Variants in WDR64 observed in about 807,000 individuals in gnomAD.
The protein encoded by WDR64 is WD repeat-containing protein 64.
Under a neutral mutation model 139.3 loss-of-function variants are expected in WDR64, and 112 were observed. That is an observed-to-expected ratio of 0.80 (90% CI 0.69 to 0.94). WDR64 has a LOEUF of 0.94. Ranked by LOEUF, WDR64 falls within the 40% of genes least tolerant of loss-of-function variation. WDR64 has a pLI of 0.00. For missense variants in WDR64, 1,206 were observed against 1,293.1 expected, an observed-to-expected ratio of 0.93 and a Z score of 1.03; for synonymous variants, 444 against 437.7, an observed-to-expected ratio of 1.01 and a Z score of -0.18.
In WDR64 at chr1:241,673,811, G is replaced by A. The variant is rs1666343271; in HGVS notation, c.380-833G>A. 2.6e-5 allele frequency among the ~76,000 whole-genome samples: 4 copies of A among 152,000 alleles called. No individual in the cohort carries two copies. The South Asian group carries it at 8.3e-4, about 32-fold the overall frequency. On this transcript the variant is annotated intron_variant, in intron 3 of 27. Transcript: ENST00000437684. The stretch of plus-strand genomic sequence containing the variant: ...AGTGCATGGCCATAGAAACATAAAA[G>A]TGTCTAGCTAGTCTTTTTTTTTCAA...
chr1:241,786,737 A>G (rs1390399036), intron 23 of WDR64, among the ~76,000 whole-genome samples: 1 of 152,192 alleles, frequency 6.6e-6, no homozygotes, highest in African/African-American at 2.4e-5. Flanking sequence ...CTAAGGCCTA[A>G]TTCAATGAAT....
intron 15 of WDR64, among the ~76,000 whole-genome samples, chr1:241,760,890 C>G (rs553640233): frequency 3.3e-5 from 5 of 151,508 alleles, no homozygotes; most frequent in African/African-American, 1.2e-4. Flanking sequence ...CTCAGCCTCC[C>G]GAGTAGCTGG....
intron 7 of WDR64, among the ~76,000 whole-genome samples, chr1:241,685,223 A>G (rs2148113308): frequency 6.6e-6 from 1 of 151,312 alleles, no homozygotes; most frequent in South Asian, 2.1e-4. Context: ...CACCTAAAAT[A>G]CATTCAGATT....
At chr1:241,659,362 A>G (rs1665736266) in intron 1 of WDR64, among the ~76,000 whole-genome samples, 1 of 152,210 alleles carries the variant, frequency 6.6e-6, no homozygotes, top group African/African-American at 2.4e-5. Flanking sequence ...CAGTGCTGCA[A>G]TGAGCATATG....
chr1:241,656,482 G>A lies in WDR64; in HGVS notation c.145+3853G>A, dbSNP rs1243263235. Among the ~76,000 whole-genome samples, 1 of 152,166 alleles carries A rather than the reference G, an allele frequency of 6.6e-6. No individual in the cohort carries two copies. The highest frequency in any genetic ancestry group is 1.9e-4 in the East Asian group (1 of 5,198). On this transcript the variant is annotated intron_variant, in intron 1 of 27. Transcript: ENST00000437684. This position sits in a 1 kb window ranked among gnomAD's most constrained non-coding sequence, Gnocchi z 4.3. ...AAACTCATATCTTGTAGCAGTTGGT[G>A]TAAATAAATATAAAACAGCTAAGGA...
At chr1:241,785,956 T>C (rs1305154526) in intron 23 of WDR64, among the ~76,000 whole-genome samples, 3 of 152,194 alleles carry the variant, frequency 2.0e-5, no homozygotes, top group Admixed American at 6.5e-5. Flanking sequence ...GAGAGCTCCA[T>C]GCATAGCAGG....
Position 241,795,645 on chromosome 1 carries a change from T to C in WDR64, c.3078+358T>C, listed in dbSNP as rs192224359. ...CTATATTCCAACCACATGAAATTAC[T>C]TTCCGTGCCCTAAGCATCACTGGTC... On this transcript the variant is annotated intron_variant, in intron 26 of 27. Transcript: ENST00000437684. Among the ~76,000 whole-genome samples the C allele has an allele frequency of 2.6e-5, 4 of 152,316 alleles. No homozygotes were observed. In the East Asian group the frequency reaches 7.7e-4, roughly 29 times the overall value.
chr1:241,666,060 A>G (rs1406860510), intron 2 of WDR64, among the ~76,000 whole-genome samples: 2 of 152,128 alleles, frequency 1.3e-5, no homozygotes, highest in African/African-American at 4.8e-5. Flanking sequence ...TTCCTTATAT[A>G]ATCAGATAAA....
intron 14 of WDR64, among the ~76,000 whole-genome samples, chr1:241,752,817 C>G (rs1465711557): frequency 6.6e-6 from 1 of 152,142 alleles, no homozygotes; most frequent in Admixed American, 6.6e-5. Flanking sequence ...CACCACTGCA[C>G]TCCAGCCTGG....
intron 1 of WDR64, among the ~76,000 whole-genome samples, chr1:241,659,155 T>C (rs981413843): frequency 1.3e-5 from 2 of 152,162 alleles, no homozygotes; most frequent in Non-Finnish European, 2.9e-5. Context: ...TGAGAACATG[T>C]GGTATTTGGT....
At chr1:241,723,794 CA>C (rs10718281) in intron 10 of WDR64, among the ~76,000 whole-genome samples, 117,058 of 151,348 alleles carry the variant, frequency 0.77, 45,548 homozygotes, top group Non-Finnish European at 0.82. Flanking sequence ...TGTAATAAAA[CA>C]AAAAAAAAGT....
chr1:241,738,295 TCA>T, intron 10 of WDR64, 66 bp from the exon 11 acceptor site: 1 of 1,544,692 alleles, frequency 6.5e-7, no homozygotes, highest in South Asian at 1.3e-5. Context: ...TGAAAATGCT[TCA>T]CCTAAATATC....
intron 23 of WDR64, 81 bp downstream of exon 23, chr1:241,783,462 A>G: frequency 1.1e-5 from 11 of 1,047,346 alleles, no homozygotes; most frequent in Non-Finnish European, 1.6e-5. Flanking sequence ...GTTGAAGTAT[A>G]TAGTTCAAAT....
chr1:241,785,381 T>C (rs979070706), intron 23 of WDR64, among the ~76,000 whole-genome samples: 2 of 152,164 alleles, frequency 1.3e-5, no homozygotes, highest in Admixed American at 1.3e-4. Flanking sequence ...TGTCCTTACA[T>C]GGTGAAAGAG....
In WDR64 at chr1:241,784,606, C is replaced by T. The variant is rs571472895; in HGVS notation, c.2705+1225C>T. 1.1e-4 allele frequency among the ~76,000 whole-genome samples: 17 copies of T among 152,188 alleles called. No homozygotes were observed. In the East Asian group the frequency reaches 2.7e-3, roughly 24 times the overall value. ...TTAGAACGTTGAATTCAAGATGAAT[C>T]TTTGGGAGTAAGGTCCTATTTGGAG... On this transcript the variant is annotated intron_variant, in intron 23 of 27. Transcript: ENST00000437684.
intron 8 of WDR64, among the ~76,000 whole-genome samples, 195 bp from the exon 9 acceptor site, chr1:241,711,607 G>A (rs564770803): frequency 5.9e-5 from 9 of 152,220 alleles, no homozygotes; most frequent in Admixed American, 3.9e-4. Flanking sequence ...AGTACTACGC[G>A]AATATCACCA....
chr1:241,800,335 C>T (rs753095976), intron 27 of WDR64, among the ~76,000 whole-genome samples: 31 of 152,258 alleles, frequency 2.0e-4, no homozygotes, highest in Non-Finnish European at 4.0e-4. Flanking sequence ...CTCCTCTTCC[C>T]TTTTTCTTCT....
intron 2 of WDR64, among the ~76,000 whole-genome samples, chr1:241,660,945 G>C (rs1430429758): frequency 2.0e-5 from 3 of 152,118 alleles, no homozygotes; most frequent in Admixed American, 2.0e-4. Flanking sequence ...AGATTTTAAT[G>C]GTCGTCATTT....
chr1:241,743,116 T>G (rs1046043861), intron 12 of WDR64, among the ~76,000 whole-genome samples: 1 of 152,132 alleles, frequency 6.6e-6, no homozygotes, highest in Non-Finnish European at 1.5e-5. Flanking sequence ...AAGAGAGAGG[T>G]AGAGGAAAAC....
Sources: allele counts gnomAD v4.1 joint callset (sites outside exome capture counted in the v4.1 genomes callset), GRCh38; gene constraint gnomAD v4.1.1; non-coding constraint Gnocchi (gnomAD v3.1); transcripts MANE v1.5; gene names NCBI Gene and HGNC (gene_info 2026-07-23, HGNC 2026-07-21).